ARHGAP6: variants seen among roughly 807,000 people sequenced by gnomAD.
ARHGAP6 encodes the protein rho GTPase-activating protein 6.
Under a neutral mutation model 55.7 loss-of-function variants are expected in ARHGAP6, and 16 were observed. The ratio of observed to expected loss-of-function variants is 0.29; its 90% CI spans 0.19 to 0.44. The LOEUF (loss-of-function observed/expected upper bound fraction) is 0.44. Among genes scored for constraint, ARHGAP6 ranks in the 20% least tolerant of loss-of-function variants. The pLI is 1.00. For synonymous variants in ARHGAP6, 382 were observed against 360.9 expected (o/e 1.06, Z -0.66); for missense variants, 698 against 808.9 (o/e 0.86, Z 1.66).
intron 2 of ARHGAP6, among the ~76,000 whole-genome samples, chrX:11,249,633 C>T (rs1350649864): frequency 1.8e-5 from 2 of 111,487 alleles, no homozygotes; most frequent in East Asian, 5.6e-4. Flanking sequence ...GGGAGAGCAT[C>T]TTTTCAAATC....
At chrX:11,514,081 G>C (rs1603237924) in intron 1 of ARHGAP6, among the ~76,000 whole-genome samples, 1 of 100,749 alleles carries the variant, frequency 9.9e-6, no homozygotes, top group Admixed American at 1.2e-4. Context: ...AGAATTGCTT[G>C]AGCCCAGGAA....
At chrX:11,545,480 A>T (rs921254597) in intron 1 of ARHGAP6, among the ~76,000 whole-genome samples, 6 of 112,213 alleles carry the variant, frequency 5.3e-5, no homozygotes, top group Non-Finnish European at 1.1e-4. Flanking sequence ...TTCTTAAAAA[A>T]AATAATTTGT....
At chrX:11,607,220 C>G (rs2052046014) in intron 1 of ARHGAP6, among the ~76,000 whole-genome samples, 1 of 112,197 alleles carries the variant, frequency 8.9e-6, no homozygotes, top group African/African-American at 3.2e-5. Context: ...ATTCTCACCT[C>G]TTCCTGCAGT....
intron 2 of ARHGAP6, among the ~76,000 whole-genome samples, chrX:11,244,472 C>G (rs2047326879): frequency 8.9e-6 from 1 of 112,191 alleles, no homozygotes; most frequent in South Asian, 3.7e-4. Context: ...ATATGTAAAG[C>G]TCTAGTAACA....
chrX:11,298,737 A>G (rs1407805516), intron 1 of ARHGAP6: 2 of 1,210,901 alleles, frequency 1.7e-6, no homozygotes, highest in Non-Finnish European at 2.2e-6. Flanking sequence ...CATGACTCCA[A>G]TCCAACACCA....
chrX:11,664,301 C>T lies in ARHGAP6; in HGVS notation c.528G>A (p.Gln176=), dbSNP rs2052730851. The change falls in exon 1 of 13, where the codon CAG becomes CAA. Residue 176 remains glutamine (Q), a synonymous_variant. Transcript: ENST00000337414. ...TGTCGGGTGGGGACTGGAACTTCCTCTGCTGGAGCCACCTCCTAGGAGAAG... is the reference window on the plus strand; with the variant it reads ...TGTCGGGTGGGGACTGGAACTTCCTTTGCTGGAGCCACCTCCTAGGAGAAG... ...IFASPRRWLQ[Q]RKFQSPPDSR... is the part of the protein sequence containing the mutation. The T allele has an allele frequency of 4.1e-6, 5 of 1,212,118 alleles. No individual in the cohort carries two copies. Among genetic ancestry groups the T allele is most frequent in the Non-Finnish European group, 5.6e-6 (5 of 895,582 alleles).
chrX:11,160,166 G>A (rs770038876), intron 9 of ARHGAP6, among the ~76,000 whole-genome samples: 12 of 110,294 alleles, frequency 1.1e-4, no homozygotes, highest in South Asian at 4.0e-4. Flanking sequence ...AAAAAATTTC[G>A]TGGCTGGGTG....
At chrX:11,573,218 T>C (rs1408915753) in intron 1 of ARHGAP6, among the ~76,000 whole-genome samples, 1 of 110,023 alleles carries the variant, frequency 9.1e-6, no homozygotes, top group East Asian at 2.8e-4. Flanking sequence ...TTTTGGCTTT[T>C]GTTGCCATTG....
At chrX:11,402,156 T>C (rs1027709326) in intron 1 of ARHGAP6, among the ~76,000 whole-genome samples, 1 of 112,062 alleles carries the variant, frequency 8.9e-6, no homozygotes, top group African/African-American at 3.2e-5. Context: ...CATGCCTGAT[T>C]CCAAACACAA....
intron 1 of ARHGAP6, among the ~76,000 whole-genome samples, chrX:11,624,566 A>G (rs2052271445): frequency 1.8e-5 from 2 of 112,706 alleles, no homozygotes; most frequent in Admixed American, 1.9e-4. Context: ...AAAGATCTGA[A>G]TTTCTTTTTT....
chrX:11,466,609 G>C (rs955869432), intron 1 of ARHGAP6, among the ~76,000 whole-genome samples: 7 of 111,086 alleles, frequency 6.3e-5, no homozygotes, highest in African/African-American at 2.3e-4. Flanking sequence ...GACTCAAGCT[G>C]TCCTCCCACC....
chrX:11,322,711 T>C (rs1286933787), intron 1 of ARHGAP6, among the ~76,000 whole-genome samples: 1 of 112,337 alleles, frequency 8.9e-6, no homozygotes, highest in African/African-American at 3.2e-5. Flanking sequence ...ACAGAACTCA[T>C]TCTGTGAATT....
intron 1 of ARHGAP6, among the ~76,000 whole-genome samples, chrX:11,628,477 TTTC>T (rs201526897): frequency 0.013 from 1,416 of 113,004 alleles, 22 homozygotes; most frequent in African/African-American, 0.044. Context: ...AGCTTACTAG[TTTC>T]TTTTTACAAA....
chrX:11,261,540 G>A (rs948143268), intron 1 of ARHGAP6, among the ~76,000 whole-genome samples: 3 of 111,544 alleles, frequency 2.7e-5, no homozygotes, highest in Admixed American at 1.9e-4. Context: ...TCTTTTGAGT[G>A]ATCATCATGG....
intron 1 of ARHGAP6, among the ~76,000 whole-genome samples, chrX:11,542,214 T>A (rs146683694): frequency 0.075 from 8,303 of 110,941 alleles, 307 homozygotes; most frequent in Non-Finnish European, 0.12. Context: ...ACACCTGTAA[T>A]CCCAGCACTT....
chrX:11,548,155 C>T (rs2051230364), intron 1 of ARHGAP6, among the ~76,000 whole-genome samples: 1 of 112,155 alleles, frequency 8.9e-6, no homozygotes, highest in Admixed American at 9.4e-5. Flanking sequence ...AACAATTCTA[C>T]ATATTTATGG....
At chrX:11,618,379 C>T (rs1166916056) in intron 1 of ARHGAP6, among the ~76,000 whole-genome samples, 3 of 112,317 alleles carry the variant, frequency 2.7e-5, no homozygotes, top group African/African-American at 6.5e-5. Context: ...AGATAAATTA[C>T]GTTGCATGTC....
chrX:11,354,288 TC>T (rs1240960575), intron 1 of ARHGAP6, among the ~76,000 whole-genome samples: 9 of 74,409 alleles, frequency 1.2e-4, no homozygotes, highest in Admixed American at 6.8e-4. Context: ...TCTCTCTCTC[TC>T]TCTCTTTCTC....
intron 1 of ARHGAP6, among the ~76,000 whole-genome samples, chrX:11,650,932 T>C (rs1601729428): frequency 8.9e-6 from 1 of 112,180 alleles, no homozygotes; most frequent in Admixed American, 9.5e-5. Context: ...ATTCTGACAA[T>C]ATCATTTATT....
Sources: gnomAD v4.1 joint callset for allele counts (sites outside exome capture counted in the v4.1 genomes callset) on GRCh38, gnomAD v4.1.1 for gene constraint, MANE v1.5 for transcripts, NCBI Gene and HGNC (gene_info 2026-07-23, HGNC 2026-07-21) for gene names.